GTF2IRD1: variants seen among roughly 807,000 people sequenced by gnomAD.
GTF2IRD1 encodes the protein GTF2I repeat domain containing 1.
In GTF2IRD1, 26 loss-of-function variants were observed where a neutral mutation model predicts 113.2. That is an observed-to-expected ratio of 0.23 (90% CI 0.17 to 0.32). The LOEUF is 0.32. Among genes scored for constraint, GTF2IRD1 ranks in the 10% least tolerant of loss-of-function variants. The pLI is 1.00. For synonymous variants in GTF2IRD1, 484 were observed against 529.1 expected, an observed-to-expected ratio of 0.91 and a Z score of 1.17; for missense variants, 864 against 1,280.8, an observed-to-expected ratio of 0.67 and a Z score of 4.97.
At chr7:74,502,884 G>C (rs1254169773) in intron 1 of GTF2IRD1, among the ~76,000 whole-genome samples, 4 of 152,118 alleles carry the variant, frequency 2.6e-5, no homozygotes, top group Non-Finnish European at 4.4e-5. Context: ...ACAGTGTCCA[G>C]GGCTGGGCGC....
intron 1 of GTF2IRD1, among the ~76,000 whole-genome samples, chr7:74,501,189 C>T (rs1235038883): frequency 6.6e-6 from 1 of 152,076 alleles, no homozygotes; most frequent in African/African-American, 2.4e-5. Flanking sequence ...GTGGTCTCGC[C>T]TGTTCACTGC....
chr7:74,504,374 A>G (rs1562810736), intron 1 of GTF2IRD1, among the ~76,000 whole-genome samples: 4 of 152,200 alleles, frequency 2.6e-5, no homozygotes, highest in Admixed American at 6.5e-5. Context: ...AGTGTGACCA[A>G]CCATCCTAGG....
rs1268803164 is a variant in GTF2IRD1 at position 74,515,700 on chromosome 7, A to G, written c.421+104A>G. 3.1e-6 allele frequency: 3 copies of G among 967,388 alleles called. No individual in the cohort carries two copies. The African/African-American group carries it at 4.9e-5, about 16-fold the overall frequency. 59.9% of individuals were successfully genotyped at this position (967,388 alleles called of 1,614,324 possible). ...TCCTGTCCCACTATGGGCCCTGGGC[A>G]AAGCCGGACCCCAAGGCATGGGGCT... On this transcript the variant is annotated intron_variant, in intron 4 of 26. Transcript: ENST00000424337.
chr7:74,466,762 G>A (rs1474843734), intron 1 of GTF2IRD1, among the ~76,000 whole-genome samples: 2 of 152,018 alleles, frequency 1.3e-5, no homozygotes, highest in Non-Finnish European at 2.9e-5. Flanking sequence ...GTGCTTGTCT[G>A]TCACCTTCAC....
chr7:74,503,787 T>C (rs1554340184), intron 1 of GTF2IRD1, among the ~76,000 whole-genome samples: 2 of 152,162 alleles, frequency 1.3e-5, no homozygotes. Context: ...ATTCTCAGGG[T>C]ACATGTGCAG....
chr7:74,467,023 T>C (rs1793765083), intron 1 of GTF2IRD1, among the ~76,000 whole-genome samples: 2 of 151,304 alleles, frequency 1.3e-5, no homozygotes, highest in Non-Finnish European at 2.9e-5. Flanking sequence ...TGATCTCGGC[T>C]CACTGCAACC....
intron 1 of GTF2IRD1, among the ~76,000 whole-genome samples, chr7:74,480,807 G>A: frequency 6.6e-6 from 1 of 152,186 alleles, no homozygotes; most frequent in East Asian, 1.9e-4. Context: ...ACCTGAGTTT[G>A]GGGGCTCTCT....
chr7:74,511,499 C>T (rs1305492421), intron 2 of GTF2IRD1, among the ~76,000 whole-genome samples: 2 of 152,202 alleles, frequency 1.3e-5, no homozygotes, highest in Non-Finnish European at 2.9e-5. Context: ...CTACAGTGTT[C>T]CCGCGCAGAA....
At chr7:74,564,393 G>C (rs1554360005) in intron 22 of GTF2IRD1, among the ~76,000 whole-genome samples, 2 of 152,182 alleles carry the variant, frequency 1.3e-5, no homozygotes. Flanking sequence ...CCCTAGAGCT[G>C]TGAGCCTCCC....
chr7:74,522,064 G>T (rs1298938149), intron 7 of GTF2IRD1, among the ~76,000 whole-genome samples: 1 of 152,058 alleles, frequency 6.6e-6, no homozygotes, highest in African/African-American at 2.4e-5. Flanking sequence ...TCACAACATG[G>T]CCACTGGTTT....
At chr7:74,510,188 G>T (rs1409372542) in intron 2 of GTF2IRD1, among the ~76,000 whole-genome samples, 1 of 152,104 alleles carries the variant, frequency 6.6e-6, no homozygotes, top group Non-Finnish European at 1.5e-5. Context: ...TGAGGAGGGG[G>T]CCCCAGGAGC....
intron 1 of GTF2IRD1, among the ~76,000 whole-genome samples, chr7:74,504,973 G>A (rs896127087): frequency 2.9e-4 from 44 of 152,076 alleles, no homozygotes; most frequent in African/African-American, 8.2e-4. Context: ...CTCTCAAAGC[G>A]CTGGGATTAC....
Position 74,493,752 on chromosome 7 carries a change from C to T in GTF2IRD1, c.-6-14323C>T, listed in dbSNP as rs145049436. Among the ~76,000 whole-genome samples, 636 of 151,988 alleles carry T rather than the reference C, an allele frequency of 4.2e-3. 2 individuals are homozygous for T. The highest frequency in any genetic ancestry group is 6.5e-3 in the Non-Finnish European group (440 of 67,930). On this transcript the variant is annotated intron_variant, in intron 1 of 26. Transcript: ENST00000424337. ...TTCTCATTTATGTGGACTCCCTAAG[C>T]CATATATCTAGGCTGGAGTGCAGTG...
chr7:74,559,141 C>A, intron 21 of GTF2IRD1, 97 bp downstream of exon 21: 2 of 1,158,190 alleles, frequency 1.7e-6, no homozygotes, highest in Non-Finnish European at 1.2e-6. Flanking sequence ...CCTGCCCTCC[C>A]CCCTGGACAA....
rs1165378230 is a variant in GTF2IRD1 at position 74,576,617 on chromosome 7, C to CTTTTTTT, written c.2321-13208_2321-13202dup. ...TCTAGGGGAAAATCTATTTCCTTGT[C>CTTTTTTT]TTTTTTTTTTTTTTTTTTTTTTTTT... On this transcript the variant is annotated intron_variant, in intron 22 of 26. Transcript: ENST00000424337. 2.7e-3 allele frequency among the ~76,000 whole-genome samples: 132 copies of CTTTTTTT among 49,366 alleles called. 13 individuals carry two copies. Among genetic ancestry groups the CTTTTTTT allele is most frequent in the African/African-American group, 6.3e-3 (74 of 11,736 alleles). 32.4% of individuals were successfully genotyped at this position (49,366 alleles called of 152,430 possible).
At chr7:74,530,948 TAGTCCCAGCTACTTGG>T (rs1244346930) in intron 9 of GTF2IRD1, among the ~76,000 whole-genome samples, 1 of 151,934 alleles carries the variant, frequency 6.6e-6, no homozygotes, top group Non-Finnish European at 1.5e-5. Flanking sequence ...CAGGTACCTG[TAGTCCCAGCTACTTGG>T]AGGCTGAGAT....
chr7:74,592,683 T>C (rs1452764572), intron 24 of GTF2IRD1, among the ~76,000 whole-genome samples: 1 of 151,708 alleles, frequency 6.6e-6, no homozygotes, highest in Admixed American at 6.6e-5. Context: ...TACAGGCATG[T>C]GCCACCACCC....
At chr7:74,523,283 T>TG (rs1168973900) in intron 7 of GTF2IRD1, among the ~76,000 whole-genome samples, 8 of 151,784 alleles carry the variant, frequency 5.3e-5, no homozygotes, top group African/African-American at 1.5e-4. Context: ...CCCAGCTGCC[T>TG]GGGGGGCCGA....
intron 1 of GTF2IRD1, among the ~76,000 whole-genome samples, chr7:74,499,375 T>G (rs1795897861): frequency 7.0e-6 from 1 of 143,802 alleles, no homozygotes; most frequent in African/African-American, 2.6e-5. Context: ...ACCCTGAGGG[T>G]TCAAAAGTGT....
Sources: gnomAD v4.1 joint callset for allele counts (sites outside exome capture counted in the v4.1 genomes callset) on GRCh38, gnomAD v4.1.1 for gene constraint, MANE v1.5 for transcripts, NCBI Gene and HGNC (gene_info 2026-07-23, HGNC 2026-07-21) for gene names.